STUB1: variants seen among roughly 807,000 people sequenced by gnomAD.
STUB1 encodes the protein STIP1 homology and U-box containing protein 1, also known as E3 ubiquitin-protein ligase CHIP.
In STUB1, 37 loss-of-function variants were observed where a neutral mutation model predicts 40.3. The ratio of observed to expected loss-of-function variants is 0.92; its 90% CI spans 0.71 to 1.21. The LOEUF is 1.21. Among genes scored for constraint, STUB1 ranks in the 50% most tolerant of loss-of-function variants. STUB1 has a pLI of 0.00. For synonymous variants in STUB1, 246 were observed against 171.9 expected, an observed-to-expected ratio of 1.43 and a Z score of -3.37; for missense variants, 460 against 421.9, an observed-to-expected ratio of 1.09 and a Z score of -0.79.
chr16:681,825 G>T lies in STUB1; in HGVS notation c.557G>T (p.Gly186Val). ...ELEECQRNHE[G>V]DEDDSHVRAQ... ...GAAGAGTGCCAGCGAAACCACGAGG[G>T]TGATGAGGACGACAGCCACGTCCGG... Residue 186 changes from glycine (G) to valine (V), a missense_variant, in exon 4 of 7, where the codon GGT becomes GTT. Transcript: ENST00000219548. The T allele has an allele frequency of 6.2e-7, 1 of 1,609,098 alleles. No individual in the cohort carries two copies. Among genetic ancestry groups the T allele is most frequent in the Non-Finnish European group, 8.5e-7 (1 of 1,177,190 alleles).
Position 680,510 on chromosome 16 carries a change from C to G in STUB1, c.-16C>G. 1 of 1,234,872 alleles carries G rather than the reference C, an allele frequency of 8.1e-7. No homozygotes were observed. Among genetic ancestry groups the G allele is most frequent in the Non-Finnish European group, 1.0e-6 (1 of 983,094 alleles). The allele number at this position is 1,234,872 out of a possible 1,614,324, so 76.5% of individuals were successfully genotyped here. A position where few individuals can be genotyped will look rare whatever the true frequency, so the allele number is the denominator to read the frequency against. ...CGGAGCTTGGGAGCGGAGCCCAGGC[C>G]GTGCCGCGCGGCGCCATGAAGGGCA... On this transcript the variant is annotated 5_prime_UTR_variant, in exon 1 of 7. Transcript: ENST00000219548. This position sits in a 1 kb window ranked among gnomAD's most constrained non-coding sequence, Gnocchi z 4.9.
At chr16:681,659 C>T in intron 3 of STUB1, 56 bp downstream of exon 3, 2 of 1,570,470 alleles carry the variant, frequency 1.3e-6, no homozygotes, top group East Asian at 2.3e-5. Flanking sequence ...TCACCGACTC[C>T]CGACACAAGC....
intron 6 of STUB1, 21 bp from the exon 7 acceptor site, chr16:682,343 C>T (rs2039701692): frequency 6.2e-7 from 1 of 1,613,080 alleles, no homozygotes; most frequent in Non-Finnish European, 8.5e-7. Flanking sequence ...TGACTGCCCT[C>T]TGCCCTTCTT....
Position 682,047 on chromosome 16 carries a change from CT to C in STUB1, c.646del (p.Ser216LeufsTer24). The C allele has an allele frequency of 6.3e-7, 1 of 1,587,844 alleles. No individual in the cohort carries two copies. Among genetic ancestry groups the C allele is most frequent in the South Asian group, 1.1e-5 (1 of 88,838 alleles). ...CAAGTACATGGCGGACATGGACGAGCTTTTTTCTCAGGTGGATGAGAAGAGG... is the reference window on the plus strand; with the variant it reads ...CAAGTACATGGCGGACATGGACGAGCTTTTTCTCAGGTGGATGAGAAGAGG... Reference protein sequence around the residue: ...HDKYMADMDELFSQVDEKRKK... With the variant: ...HDKYMADMDEXFSQVDEKRKK... On this transcript the variant is annotated frameshift_variant, in exon 5 of 7. Transcript: ENST00000219548. LOFTEE classifies it high-confidence loss of function.
rs758772562 is a variant in STUB1, at chr16:681,423, G to GCC, written c.359-11_359-10dup. On this transcript the variant is annotated splice_polypyrimidine_tract_variant and intron_variant, in intron 2 of 6. Coordinates refer to ENST00000219548, the MANE Select transcript of STUB1 (RefSeq NM_005861.4). ...TGGACTGGCCAGAGAGTGACGTGAA[G>GCC]CCCCCGTTCCCCAGCTTACAGCCTG... is the stretch of plus-strand genomic sequence containing the variant. The GCC allele has an allele frequency of 2.4e-5, 38 of 1,609,468 alleles. 1 individual carries two copies. The South Asian group carries it at 4.1e-4, about 17-fold the overall frequency.
At position 680,881 on chromosome 16, in the gene STUB1, G is replaced by C; in HGVS notation, c.159+197G>C. The C allele has an allele frequency of 1.7e-6, 1 of 589,586 alleles. No homozygotes were observed. Among genetic ancestry groups the C allele is most frequent in the Non-Finnish European group, 2.7e-6 (1 of 372,862 alleles). The allele number at this position is 589,586 out of a possible 1,614,324, so 36.5% of individuals were successfully genotyped here. On this transcript the variant is annotated intron_variant, in intron 1 of 6. Transcript: ENST00000219548. The surrounding 1 kb of genome is among the most constrained non-coding windows in gnomAD (Gnocchi z 4.9). ...GCTGGATGGAGGCCGGCCGGGTGGGGGGAGGGCAGGGGCCCTCGACCCTTG... is the reference window on the plus strand; with the variant it reads ...GCTGGATGGAGGCCGGCCGGGTGGGCGGAGGGCAGGGGCCCTCGACCCTTG...
In STUB1 at chr16:681,837, A is replaced by G; in HGVS notation, c.569A>G (p.Asp190Gly). 1 of 1,610,938 alleles carries G rather than the reference A, an allele frequency of 6.2e-7. No individual in the cohort carries two copies. Among genetic ancestry groups the G allele is most frequent in the South Asian group, 1.1e-5 (1 of 90,954 alleles). The change falls in exon 4 of 7, where the codon GAC (aspartate) becomes GGC (glycine). Residue 190 changes from aspartate (D) to glycine (G), a missense_variant. Transcript: ENST00000219548. ...CQRNHEGDED[D>G]SHVRAQQACI... is the part of the protein sequence containing the mutation. ...CGAAACCACGAGGGTGATGAGGACG[A>G]CAGCCACGTCCGGGCCCAGCAGGCC...
At chr16:681,064 C>T (rs1567279431) in intron 1 of STUB1, 88 bp from the exon 2 acceptor site, 3 of 1,351,462 alleles carry the variant, frequency 2.2e-6, no homozygotes, top group Non-Finnish European at 2.0e-6. Flanking sequence ...TGATTCTAGC[C>T]AGAGCGCAGA....
rs1283587999 is a variant in STUB1 at position 681,526 on chromosome 16, C to T, written c.447C>T (p.Ser149=). The change falls in exon 3 of 7, where the codon AGC becomes AGT. Residue 149 remains serine, a synonymous_variant. Transcript: ENST00000219548. ...LRIAKKKRWN[S]IEERRIHQES... Reference sequence around the variant, plus strand: ...TCGCGAAGAAGAAGCGCTGGAACAGCATTGAGGAGCGGCGCATCCACCAGG... The same window carrying T: ...TCGCGAAGAAGAAGCGCTGGAACAGTATTGAGGAGCGGCGCATCCACCAGG... 4 of 1,612,410 alleles carry T rather than the reference C, an allele frequency of 2.5e-6. No individual in the cohort carries two copies. In the South Asian group the frequency reaches 3.3e-5, roughly 13 times the overall value.
rs146251364 is a variant in STUB1 at position 681,512 on chromosome 16, A to C, written c.433A>C (p.Lys145Gln). ...IPSALRIAKK[K>Q]RWNSIEERRI... The stretch of plus-strand genomic sequence containing the variant: ...CAGCGCTCTTCGAATCGCGAAGAAG[A>C]AGCGCTGGAACAGCATTGAGGAGCG... The change falls in exon 3 of 7, where the codon AAG becomes CAG. Residue 145 changes from lysine to glutamine, a missense_variant. Physicochemically the swap from Lys to Gln is moderately conservative, Grantham distance 53 (BLOSUM62 1). Coordinates refer to ENST00000219548, the MANE Select transcript of STUB1 (RefSeq NM_005861.4). 868 of 1,612,570 alleles carry C rather than the reference A, an allele frequency of 5.4e-4. 2 individuals carry two copies. Among genetic ancestry groups the C allele is most frequent in the Non-Finnish European group, 5.3e-4 (626 of 1,179,926 alleles).
rs1007684840 is a variant in STUB1 at position 681,250 on chromosome 16, C to T, written c.258C>T (p.Ala86=). ...HEQALADCRR[A]LELDGQSVKA... is the part of the protein sequence containing the mutation. Reference sequence around the variant, plus strand: ...AGGCCCTGGCCGACTGCCGGCGCGCCCTGGAGCTGGACGGGCAGTCTGTGA... The same window carrying T: ...AGGCCCTGGCCGACTGCCGGCGCGCTCTGGAGCTGGACGGGCAGTCTGTGA... The change falls in exon 2 of 7, where the codon GCC becomes GCT. Residue 86 remains alanine, a synonymous_variant. Transcript: ENST00000219548. The T allele has an allele frequency of 6.2e-7, 1 of 1,612,678 alleles. No individual in the cohort carries two copies. Among genetic ancestry groups the T allele is most frequent in the East Asian group, 2.2e-5 (1 of 44,876 alleles).
chr16:681,239 T>C lies in STUB1; in HGVS notation c.247T>C (p.Cys83Arg). 6.2e-7 allele frequency: 1 copy of C among 1,612,402 alleles called. No individual in the cohort carries two copies. The highest frequency in any genetic ancestry group is 8.5e-7 in the Non-Finnish European group (1 of 1,179,806). ...GCAGCACGAGCAGGCCCTGGCCGAC[T>C]GCCGGCGCGCCCTGGAGCTGGACGG... ...MQQHEQALAD[C>R]RRALELDGQS... Residue 83 changes from cysteine to arginine, a missense_variant, in exon 2 of 7, where the codon TGC becomes CGC. Physicochemically the swap from Cys to Arg is radical, Grantham distance 180 (BLOSUM62 -3). Transcript: ENST00000219548.
chr16:681,735 G>C, intron 3 of STUB1, 58 bp from the exon 4 acceptor site: 2 of 1,553,876 alleles, frequency 1.3e-6, no homozygotes, highest in Non-Finnish European at 1.7e-6. Flanking sequence ...TCTGAGATTG[G>C]GGTGTGGTCA....
At position 681,818 on chromosome 16, in the gene STUB1, C is replaced by A. The variant is rs1362071330; in HGVS notation, c.550C>A (p.His184Asn). ...GGAGCTGGAAGAGTGCCAGCGAAAC[C>A]ACGAGGGTGATGAGGACGACAGCCA... ...ERELEECQRN[H>N]EGDEDDSHVR... The change falls in exon 4 of 7, where the codon CAC becomes AAC. Residue 184 changes from histidine to asparagine, a missense_variant. Physicochemically the swap from His to Asn is moderately conservative, Grantham distance 68. Coordinates refer to ENST00000219548, the MANE Select transcript of STUB1 (RefSeq NM_005861.4). 6.8e-6 allele frequency: 11 copies of A among 1,606,486 alleles called. No individual in the cohort carries two copies. The highest frequency in any genetic ancestry group is 9.4e-6 in the Non-Finnish European group (11 of 1,175,312).
At position 681,811 on chromosome 16, in the gene STUB1, G is replaced by A. The variant is rs144127842; in HGVS notation, c.543G>A (p.Gln181=). The A allele has an allele frequency of 1.2e-6, 2 of 1,603,092 alleles. No homozygotes were observed. The highest frequency in any genetic ancestry group is 1.7e-6 in the Non-Finnish European group (2 of 1,172,718). ...CCCCCAGGGAGCTGGAAGAGTGCCA[G>A]CGAAACCACGAGGGTGATGAGGACG... ...AERERELEEC[Q]RNHEGDEDDS... is the part of the protein sequence containing the mutation. Residue 181 remains glutamine, a synonymous_variant, in exon 4 of 7, where the codon CAG becomes CAA. Coordinates refer to ENST00000219548, the MANE Select transcript of STUB1 (RefSeq NM_005861.4).
rs748984540 is a variant in STUB1 at position 682,399 on chromosome 16, CCT to C, written c.823_824del (p.Leu275AspfsTer16). On this transcript the variant is annotated frameshift_variant, in exon 7 of 7. Transcript: ENST00000219548. LOFTEE classifies it high-confidence loss of function. ...ATTTTGACCCCGTGACCCGGAGCCC[CCT>C]GACCCAGGAACAGCTCATCCCCAAC... ...GHFDPVTRSP[L>X]TQEQLIPNLA... 1.9e-6 allele frequency: 3 copies of C among 1,613,242 alleles called. No individual in the cohort carries two copies. The highest frequency in any genetic ancestry group is 1.3e-5 in the African/African-American group (1 of 74,930).
rs770617507 is a variant in STUB1, at chr16:680,569, C to T, written c.44C>T (p.Ala15Val). The change falls in exon 1 of 7, where the codon GCT (alanine) becomes GTT (valine). Residue 15 changes from alanine (A) to valine (V), a missense_variant. Coordinates refer to ENST00000219548, the MANE Select transcript of STUB1 (RefSeq NM_005861.4). This position sits in a 1 kb window ranked among gnomAD's most constrained non-coding sequence, Gnocchi z 4.9. ...EEKEGGARLG[A>V]GGGSPEKSPS... ...AAGGAGGGCGGCGCACGGCTGGGCG[C>T]TGGCGGCGGAAGCCCCGAGAAGAGC... The T allele has an allele frequency of 6.7e-5, 92 of 1,379,380 alleles. No homozygotes were observed. Among genetic ancestry groups the T allele is most frequent in the Admixed American group, 4.1e-4 (14 of 34,220 alleles). 85.4% of individuals were successfully genotyped at this position (1,379,380 alleles called of 1,614,324 possible).
Position 680,515 on chromosome 16 carries a change from C to T in STUB1, c.-11C>T, listed in dbSNP as rs369883618. 5.3e-5 allele frequency: 66 copies of T among 1,240,864 alleles called. No homozygotes were observed. Among genetic ancestry groups the T allele is most frequent in the Non-Finnish European group, 6.5e-5 (64 of 985,964 alleles). The allele number at this position is 1,240,864 out of a possible 1,614,324, so 76.9% of individuals were successfully genotyped here. Reference sequence around the variant, plus strand: ...CTTGGGAGCGGAGCCCAGGCCGTGCCGCGCGGCGCCATGAAGGGCAAGGAG... The same window carrying T: ...CTTGGGAGCGGAGCCCAGGCCGTGCTGCGCGGCGCCATGAAGGGCAAGGAG... On this transcript the variant is annotated 5_prime_UTR_variant, in exon 1 of 7. Coordinates refer to ENST00000219548, the MANE Select transcript of STUB1 (RefSeq NM_005861.4). The surrounding 1 kb of genome is among the most constrained non-coding windows in gnomAD (Gnocchi z 4.9).
At position 682,009 on chromosome 16, in the gene STUB1, A is replaced by G. The variant is rs1228172235; in HGVS notation, c.613-11A>G. On this transcript the variant is annotated splice_polypyrimidine_tract_variant and intron_variant, in intron 4 of 6. Transcript: ENST00000219548. ...GTGTCTCCCCCAAGCACAGCACTCAACTCTTCACAGGACAAGTACATGGCG... is the reference window on the plus strand; with the variant it reads ...GTGTCTCCCCCAAGCACAGCACTCAGCTCTTCACAGGACAAGTACATGGCG... 2.5e-6 allele frequency: 4 copies of G among 1,608,076 alleles called. No homozygotes were observed. Among genetic ancestry groups the G allele is most frequent in the Admixed American group, 1.7e-5 (1 of 59,724 alleles).
Sources: gnomAD v4.1 joint callset for allele counts on GRCh38, gnomAD v4.1.1 for gene constraint, Gnocchi (gnomAD v3.1) non-coding constraint, MANE v1.5 for transcripts, NCBI Gene and HGNC (gene_info 2026-07-23, HGNC 2026-07-21) for gene names.